DCX: variants seen among roughly 807,000 people sequenced by gnomAD.
DCX encodes the protein neuronal migration protein doublecortin.
In DCX, 4 loss-of-function variants were observed where a neutral mutation model predicts 20.9. The ratio of observed to expected loss-of-function variants is 0.19; its 90% confidence interval spans 0.09 to 0.44. The LOEUF (loss-of-function observed/expected upper bound fraction) is 0.44, where lower values mean the gene tolerates loss of function less well. DCX is among the 20% of genes least tolerant of loss of function. The pLI, the probability that DCX is intolerant of heterozygous loss-of-function variation, is 0.99. For missense variants in DCX, 133 were observed against 296.9 expected (o/e 0.45, Z 4.06); for synonymous variants, 103 against 111.4 (o/e 0.92, Z 0.47).
rs1251021421 is a variant in DCX, at chrX:111,297,480, G to A, written c.*4207C>T. 3 of 112,216 alleles carry A rather than the reference G, an allele frequency of 2.7e-5. No homozygotes were observed. The highest frequency in any genetic ancestry group is 9.7e-5 in the African/African-American group (3 of 30,873). The allele number at this position is 112,216 out of a possible 1,213,427, so 9.2% of individuals were successfully genotyped here. ...GAACACAGACAAAATTTTGTTCAAG[G>A]TAAGCACCAATCACTGGTCTAAGAC... On this transcript the variant is annotated 3_prime_UTR_variant, in exon 7 of 7. Coordinates refer to ENST00000636035, the MANE Select transcript of DCX (RefSeq NM_001195553.2).
intron 3 of DCX, among the ~76,000 whole-genome samples, chrX:111,389,337 A>G (rs1413037440): frequency 1.4e-4 from 15 of 111,015 alleles, no homozygotes; most frequent in Non-Finnish European, 3.8e-5. Flanking sequence ...CTACCCACCC[A>G]TTTAATGCAA....
chrX:111,403,623 C>T (rs186069543), intron 2 of DCX, among the ~76,000 whole-genome samples: 4 of 111,973 alleles, frequency 3.6e-5, no homozygotes, highest in Admixed American at 9.5e-5. Flanking sequence ...GATGGGGTCC[C>T]CAACACTTCC....
intron 3 of DCX, among the ~76,000 whole-genome samples, chrX:111,367,147 C>A (rs1204284611): frequency 8.9e-6 from 1 of 111,888 alleles, no homozygotes; most frequent in Non-Finnish European, 1.9e-5. Context: ...TTGGAGGTAA[C>A]CCCTCATGCA....
chrX:111,334,624 T>C (rs998936624), intron 3 of DCX, among the ~76,000 whole-genome samples: 2 of 112,319 alleles, frequency 1.8e-5, no homozygotes, highest in Admixed American at 1.9e-4. Flanking sequence ...TAAGTAAGTT[T>C]TCCAGGTGGA....
chrX:111,297,039 TTATGG>T lies in DCX; in HGVS notation c.*4643_*4647del, dbSNP rs1179994783. On this transcript the variant is annotated 3_prime_UTR_variant, in exon 7 of 7. Transcript: ENST00000636035. ...TCACCCCAGATGAGCTCCAAAACAC[TTATGG>T]TTCACTTGGGAGACCAGTCTGGGAC... 2 of 111,669 alleles carry T rather than the reference TTATGG, an allele frequency of 1.8e-5. No individual in the cohort carries two copies. The highest frequency in any genetic ancestry group is 6.5e-5 in the African/African-American group (2 of 30,678). 9.2% of individuals were successfully genotyped at this position (111,669 alleles called of 1,213,427 possible).
In DCX at chrX:111,299,876, C is replaced by T. The variant is rs1165403018; in HGVS notation, c.*1811G>A. ...TTGTCTAGGGGCATCTGAGCTACCC[C>T]ACCACCACTGGGTTCCCCCCTACAC... is the stretch of plus-strand genomic sequence containing the variant. On this transcript the variant is annotated 3_prime_UTR_variant, in exon 7 of 7. Transcript: ENST00000636035. 9.0e-6 allele frequency: 1 copy of T among 111,427 alleles called. No homozygotes were observed. Among genetic ancestry groups the T allele is most frequent in the African/African-American group, 3.3e-5 (1 of 30,602 alleles). 9.2% of individuals were successfully genotyped at this position (111,427 alleles called of 1,213,427 possible).
At chrX:111,319,497 G>A (rs1475631460) in intron 5 of DCX, among the ~76,000 whole-genome samples, 1 of 112,209 alleles carries the variant, frequency 8.9e-6, no homozygotes, top group Non-Finnish European at 1.9e-5. Context: ...AAGAATGTGG[G>A]CACTAGACTT....
At chrX:111,365,601 T>C (rs1205438219) in intron 3 of DCX, among the ~76,000 whole-genome samples, 1 of 109,734 alleles carries the variant, frequency 9.1e-6, no homozygotes, top group Non-Finnish European at 1.9e-5. Context: ...CCATTAACCA[T>C]CCCCACCTCC....
intron 3 of DCX, among the ~76,000 whole-genome samples, chrX:111,334,851 T>C (rs976527060): frequency 8.9e-6 from 1 of 111,945 alleles, no homozygotes; most frequent in Non-Finnish European, 1.9e-5. Context: ...GATGGGATTA[T>C]CTGTTGGTGC....
intron 3 of DCX, among the ~76,000 whole-genome samples, chrX:111,346,473 T>C (rs1050913720): frequency 8.9e-5 from 10 of 112,652 alleles, no homozygotes; most frequent in African/African-American, 2.3e-4. Flanking sequence ...GATTGTGTGA[T>C]TCCACTTGTA....
chrX:111,333,060 C>A lies in DCX; in HGVS notation c.799G>T (p.Asp267Tyr). Residue 267 changes from aspartate to tyrosine, a missense_variant, in exon 4 of 7, where the codon GAT becomes TAT. This residue lies in a region of DCX where 68 missense variants were observed against 84.3 expected (regional missense o/e 0.81). Coordinates refer to ENST00000636035, the MANE Select transcript of DCX (RefSeq NM_001195553.2). ...FRYAQDDFSL[D>Y]ENECRVMKGN... ...CAGTGGTTATGCTTACCATTTTCAT[C>A]CAGAGAAAAATCATCCTGAGCATAG... is the stretch of plus-strand genomic sequence containing the variant. 8.3e-7 allele frequency: 1 copy of A among 1,201,715 alleles called. No homozygotes were observed. The highest frequency in any genetic ancestry group is 1.1e-6 in the Non-Finnish European group (1 of 886,690).
chrX:111,383,978 T>A (rs1926179656), intron 3 of DCX, among the ~76,000 whole-genome samples: 1 of 111,288 alleles, frequency 9.0e-6, no homozygotes, highest in African/African-American at 3.3e-5. Flanking sequence ...AAGGATGAGG[T>A]AACTGAGACA....
chrX:111,377,869 A>C (rs1372090831), intron 3 of DCX, among the ~76,000 whole-genome samples: 4 of 110,630 alleles, frequency 3.6e-5, no homozygotes, highest in Non-Finnish European at 7.6e-5. Context: ...TTGTCTTCAT[A>C]ATATAACTGT....
chrX:111,340,846 A>G (rs1922160397), intron 3 of DCX, among the ~76,000 whole-genome samples: 1 of 111,312 alleles, frequency 9.0e-6, no homozygotes, highest in African/African-American at 3.3e-5. Flanking sequence ...AGCATCAACA[A>G]CAACCAAAGA....
intron 3 of DCX, among the ~76,000 whole-genome samples, chrX:111,350,986 T>C (rs1056675640): frequency 4.5e-5 from 5 of 111,866 alleles, no homozygotes; most frequent in African/African-American, 1.6e-4. Flanking sequence ...TGAGACTTAT[T>C]CACTACCATG....
intron 6 of DCX, among the ~76,000 whole-genome samples, chrX:111,310,529 C>T (rs902866849): frequency 4.4e-4 from 49 of 110,815 alleles, no homozygotes; most frequent in African/African-American, 1.5e-3. Flanking sequence ...ATTATTTTTG[C>T]AACTCTTCTG....
At chrX:111,338,581 C>CTTTTT (rs758262346) in intron 3 of DCX, among the ~76,000 whole-genome samples, 7 of 96,019 alleles carry the variant, frequency 7.3e-5, no homozygotes, top group African/African-American at 2.6e-4. Context: ...ACAATCCTGA[C>CTTTTT]TTTTTTTTTT....
intron 3 of DCX, among the ~76,000 whole-genome samples, chrX:111,388,059 A>G (rs1418461908): frequency 8.9e-6 from 1 of 111,875 alleles, no homozygotes; most frequent in African/African-American, 3.2e-5. Flanking sequence ...GACTAAATCT[A>G]TTGTGAAGGT....
At chrX:111,397,755 G>A (rs763517085) in intron 3 of DCX, among the ~76,000 whole-genome samples, 9 of 111,252 alleles carry the variant, frequency 8.1e-5, no homozygotes, top group Non-Finnish European at 1.7e-4. Context: ...TGCACTCTGT[G>A]CATGTGTGTG....
Sources: gnomAD v4.1 joint callset for allele counts (sites outside exome capture counted in the v4.1 genomes callset) on GRCh38, gnomAD v4.1.1 for gene constraint, gnomAD v4.1.1 regional missense constraint, MANE v1.5 for transcripts, NCBI Gene and HGNC (gene_info 2026-07-23, HGNC 2026-07-21) for gene names.